The following LTN1 variants were observed in gnomAD, a reference collection of about 807,000 sequenced individuals.
LTN1 encodes listerin E3 ubiquitin protein ligase 1, also known as E3 ubiquitin-protein ligase listerin.
Under a neutral mutation model 201.2 loss-of-function variants are expected in LTN1, and 88 were observed. That is an observed-to-expected ratio of 0.44 (90% CI 0.37 to 0.52). LTN1 has a LOEUF of 0.52. Ranked by LOEUF, LTN1 falls within the 20% of genes least tolerant of loss-of-function variation. The pLI is 0.00. For synonymous variants in LTN1, 645 were observed against 713.5 expected (o/e 0.90, Z 1.53); for missense variants, 1,752 against 2,038.7 (o/e 0.86, Z 2.71).
At chr21:28,944,112 C>T (rs1048698128) in intron 22 of LTN1, among the ~76,000 whole-genome samples, 11 of 152,122 alleles carry the variant, frequency 7.2e-5, no homozygotes, top group African/African-American at 2.4e-4. Flanking sequence ...AGCAAATGTT[C>T]AATAGCAAGG....
chr21:28,948,048 C>T (rs1226312244), intron 18 of LTN1, among the ~76,000 whole-genome samples: 1 of 150,574 alleles, frequency 6.6e-6, no homozygotes, highest in African/African-American at 2.4e-5. Flanking sequence ...AAAAATCAGC[C>T]GGGTGTGGTG....
intron 6 of LTN1, among the ~76,000 whole-genome samples, chr21:28,980,417 T>G: frequency 7.4e-6 from 1 of 134,954 alleles, no homozygotes; most frequent in South Asian, 2.8e-4. Flanking sequence ...GGGGGAGGGA[T>G]AGCATTAGGA....
chr21:28,960,750 T>C, intron 11 of LTN1, 44 bp from the exon 12 acceptor site: 2 of 1,352,608 alleles, frequency 1.5e-6, no homozygotes, highest in African/African-American at 1.4e-5. Context: ...CAAGATCAAA[T>C]ACTCTCTCTG....
rs969364981 is a variant in LTN1 at position 28,956,829 on chromosome 21, C to T, written c.3012G>A (p.Leu1004=). 5.6e-6 allele frequency: 9 copies of T among 1,611,830 alleles called. No individual in the cohort carries two copies. The Admixed American group carries it at 6.7e-5, about 12-fold the overall frequency. ...LPSHLCTSAL[L]SKMVLIALRK... ...TCAGTGCAATTAAGACCATTTTGCT[C>T]AATAATGCTGAAGTACACAAATGGC... Residue 1004 remains leucine, a synonymous_variant, in exon 16 of 30, where the codon TTG becomes TTA. Transcript: ENST00000361371.
intron 13 of LTN1, among the ~76,000 whole-genome samples, chr21:28,958,971 GGAGGA>G (rs2084450632): frequency 6.6e-6 from 1 of 152,058 alleles, no homozygotes; most frequent in Non-Finnish European, 1.5e-5. Flanking sequence ...AAGGGTGGGA[GGAGGA>G]GAGCTCTCTA....
At chr21:28,988,836 A>G (rs2084722169) in intron 1 of LTN1, among the ~76,000 whole-genome samples, 1 of 151,954 alleles carries the variant, frequency 6.6e-6, no homozygotes, top group Non-Finnish European at 1.5e-5. Context: ...ATGGTGGCAC[A>G]TGCCTTTAAT....
At chr21:28,969,292 A>G (rs2084553430) in intron 9 of LTN1, among the ~76,000 whole-genome samples, 174 bp downstream of exon 9, 1 of 152,150 alleles carries the variant, frequency 6.6e-6, no homozygotes, top group African/African-American at 2.4e-5. Flanking sequence ...CTAGCAACTG[A>G]GAGTATGGAA....
rs1163267769 is a variant in LTN1, at chr21:28,981,127, C to A, written c.802G>T (p.Val268Leu). ...AAAAAAGATTAATATACCTGAGGTACACTGTGTTTTCCATACTTCCAAAAC... is the reference window on the plus strand; with the variant it reads ...AAAAAAGATTAATATACCTGAGGTAAACTGTGTTTTCCATACTTCCAAAAC... ...NKFWKYGKHSVPQIRSAYFEL... is the reference protein window; with the variant it reads ...NKFWKYGKHSLPQIRSAYFEL... Residue 268 changes from valine to leucine, a missense_variant, in exon 6 of 30, where the codon GTA (valine) becomes TTA (leucine). By Grantham distance (32) the Val-to-Leu change is conservative. This residue lies in a region of LTN1 where 280 missense variants were observed against 375.7 expected (regional missense o/e 0.75). Transcript: ENST00000361371. 6.5e-7 allele frequency: 1 copy of A among 1,548,608 alleles called. No homozygotes were observed. Among genetic ancestry groups the A allele is most frequent in the African/African-American group, 1.4e-5 (1 of 71,880 alleles).
At position 28,935,098 on chromosome 21, in the gene LTN1, A is replaced by G. The variant is rs1336467996; in HGVS notation, c.4875+11T>C. 1 of 1,562,970 alleles carries G rather than the reference A, an allele frequency of 6.4e-7. No homozygotes were observed. Among genetic ancestry groups the G allele is most frequent in the Non-Finnish European group, 8.8e-7 (1 of 1,134,620 alleles). ...AACAACTTTTCTAGAGAAAGTCAAG[A>G]CAATACTAACCGTCATGCCATTAAA... On this transcript the variant is annotated intron_variant, in intron 27 of 29. Transcript: ENST00000361371.
chr21:28,957,846 G>C (rs992751893), intron 14 of LTN1, among the ~76,000 whole-genome samples: 2 of 152,128 alleles, frequency 1.3e-5, no homozygotes, highest in African/African-American at 4.8e-5. Flanking sequence ...TTAGGTATGA[G>C]AGGTAAAATA....
chr21:28,973,483 AC>A (rs1249471754), intron 6 of LTN1, among the ~76,000 whole-genome samples: 1 of 151,964 alleles, frequency 6.6e-6, no homozygotes, highest in Non-Finnish European at 1.5e-5. Context: ...TACATATCTA[AC>A]CCCACAAAAT....
chr21:28,964,648 G>T, intron 11 of LTN1: 1 of 1,550,396 alleles, frequency 6.4e-7, no homozygotes, highest in Non-Finnish European at 8.7e-7. Context: ...AGATGAGGAG[G>T]CTAGTGAGTC....
At position 28,959,584 on chromosome 21, in the gene LTN1, T is replaced by C; in HGVS notation, c.2467A>G (p.Ile823Val). ...AESSDSSVSF[I>V]CDVAYNYFSS... ...AAATAGTTATAGGCCACATCACAGA[T>C]AAAAGACACTGATGAGTCACTGCTT... Residue 823 changes from isoleucine (I) to valine (V), a missense_variant, in exon 13 of 30, where the codon ATC (isoleucine) becomes GTC (valine). This residue lies in a region of LTN1 where 1,211 missense variants were observed against 1,312.8 expected (regional missense o/e 0.92). Transcript: ENST00000361371. The C allele has an allele frequency of 3.7e-6, 6 of 1,614,086 alleles. No individual in the cohort carries two copies. The highest frequency in any genetic ancestry group is 1.1e-5 in the South Asian group (1 of 91,086).
chr21:28,945,232 AAAAG>A (rs574074190), intron 21 of LTN1, among the ~76,000 whole-genome samples: 45 of 150,754 alleles, frequency 3.0e-4, no homozygotes, highest in South Asian at 1.0e-3. Flanking sequence ...AATTTAAAAA[AAAAG>A]AAAGAAAGAA....
At position 28,959,653 on chromosome 21, in the gene LTN1, G is replaced by A. The variant is rs766875945; in HGVS notation, c.2398C>T (p.Leu800Phe). The A allele has an allele frequency of 7.4e-6, 12 of 1,613,132 alleles. No homozygotes were observed. The African/African-American group carries it at 1.1e-4, about 14-fold the overall frequency. Reference sequence around the variant, plus strand: ...TTTGTTTTGAATAAAGTTTCATGAAGTCTAACAATGATTCTTTCAACATAT... The same window carrying A: ...TTTGTTTTGAATAAAGTTTCATGAAATCTAACAATGATTCTTTCAACATAT... ...DVYVERIIVR[L>F]HETLFKTKKL... The change falls in exon 13 of 30, where the codon CTT becomes TTT. Residue 800 changes from leucine to phenylalanine, a missense_variant. Leu to Phe is a conservative substitution (Grantham distance 22). This residue lies in a region of LTN1 where 1,211 missense variants were observed against 1,312.8 expected (regional missense o/e 0.92). Coordinates refer to ENST00000361371, the MANE Select transcript of LTN1 (RefSeq NM_015565.3).
rs745728048 is a variant in LTN1 at position 28,960,518 on chromosome 21, A to G, written c.2352T>C (p.Asn784=). 3.1e-6 allele frequency: 5 copies of G among 1,609,480 alleles called. No individual in the cohort carries two copies. The Admixed American group carries it at 8.4e-5, about 27-fold the overall frequency. ...AAACAAAAGCCATATTTGTCCTACC[A>G]TTTTTAACATGTTGGGATAATACCA... The part of the protein sequence containing the change: ...LSLVLSQHVK[N]DYLIGDVYVE... The change falls in exon 12 of 30, where the codon AAT becomes AAC. Residue 784 remains asparagine (N), a splice_region_variant and synonymous_variant. Transcript: ENST00000361371.
At chr21:28,960,757 T>C in intron 11 of LTN1, 51 bp from the exon 12 acceptor site, 1 of 1,270,240 alleles carries the variant, frequency 7.9e-7, no homozygotes, top group South Asian at 1.3e-5. Flanking sequence ...AAATACTCTC[T>C]CTGTCCAAAA....
In LTN1 at chr21:28,928,529, T is replaced by C. The variant is rs950546603; in HGVS notation, c.*1919A>G. On this transcript the variant is annotated 3_prime_UTR_variant, in exon 30 of 30. Transcript: ENST00000361371. Reference sequence around the variant, plus strand: ...ATTTTAAGGGCTGTAATCCTTTTAGTTAGAGTTGTCAACGCTGTACAGATG... The same window carrying C: ...ATTTTAAGGGCTGTAATCCTTTTAGCTAGAGTTGTCAACGCTGTACAGATG... 1.3e-5 allele frequency: 2 copies of C among 151,308 alleles called. No homozygotes were observed. Among genetic ancestry groups the C allele is most frequent in the Admixed American group, 6.6e-5 (1 of 15,176 alleles). 9.4% of individuals were successfully genotyped at this position (151,308 alleles called of 1,614,324 possible).
intron 25 of LTN1, among the ~76,000 whole-genome samples, chr21:28,938,003 T>C (rs1476038239): frequency 3.9e-5 from 6 of 152,032 alleles, no homozygotes; most frequent in Non-Finnish European, 5.9e-5. Flanking sequence ...CAAATTCACA[T>C]TGTATGACAG....
Sources: allele counts gnomAD v4.1 joint callset (sites outside exome capture counted in the v4.1 genomes callset), GRCh38; gene constraint gnomAD v4.1.1; regional missense constraint gnomAD v4.1.1; transcripts MANE v1.5; gene names NCBI Gene and HGNC (gene_info 2026-07-23, HGNC 2026-07-21).